Variants in NFU1 observed in about 807,000 individuals in gnomAD.
NFU1 encodes the protein NFU1 iron-sulfur cluster scaffold.
In NFU1, 30 loss-of-function variants were observed where a neutral mutation model predicts 32.2. The ratio of observed to expected loss-of-function variants is 0.93; its 90% CI spans 0.70 to 1.26. The LOEUF (loss-of-function observed/expected upper bound fraction) is 1.26. NFU1 is among the 50% of genes most tolerant of loss of function. The pLI, the probability that NFU1 is intolerant of heterozygous loss-of-function variation, is 0.00. For missense variants in NFU1, 306 were observed against 306.6 expected (o/e 1.00, Z 0.02); for synonymous variants, 112 against 104.6 (o/e 1.07, Z -0.43).
At chr2:69,420,846 T>C (rs1365711698) in intron 3 of NFU1, among the ~76,000 whole-genome samples, 1 of 152,134 alleles carries the variant, frequency 6.6e-6, no homozygotes, top group Non-Finnish European at 1.5e-5. Context: ...GAAAAAATAG[T>C]GAAAACTATC....
At chr2:69,425,635 G>A (rs572701923) in intron 2 of NFU1, among the ~76,000 whole-genome samples, 2 of 151,618 alleles carry the variant, frequency 1.3e-5, no homozygotes, top group South Asian at 2.1e-4. Context: ...GATTACAGGT[G>A]TAAGCCACTG....
intron 2 of NFU1, among the ~76,000 whole-genome samples, chr2:69,429,731 C>G (rs1345446303): frequency 6.6e-6 from 1 of 151,790 alleles, no homozygotes; most frequent in East Asian, 2.0e-4. Flanking sequence ...AAAGCTATTA[C>G]TAAAAAACTA....
At chr2:69,431,198 T>C (rs1266643606) in intron 2 of NFU1, among the ~76,000 whole-genome samples, 1 of 152,138 alleles carries the variant, frequency 6.6e-6, no homozygotes, top group Non-Finnish European at 1.5e-5. Context: ...AATCCTGTGT[T>C]CTAAGGTCTG....
chr2:69,398,384 C>G (rs943729092), intron 7 of NFU1, among the ~76,000 whole-genome samples: 16 of 152,060 alleles, frequency 1.1e-4, no homozygotes, highest in African/African-American at 3.6e-4. Flanking sequence ...TGTACTGGAC[C>G]AAAACGATGG....
intron 1 of NFU1, among the ~76,000 whole-genome samples, chr2:69,433,711 A>G (rs551839487): frequency 6.6e-6 from 1 of 152,086 alleles, no homozygotes; most frequent in South Asian, 2.1e-4. Context: ...CCTGACCTAA[A>G]GTGATCCACC....
At chr2:69,415,583 C>A (rs1372391254) in intron 4 of NFU1, among the ~76,000 whole-genome samples, 1 of 152,048 alleles carries the variant, frequency 6.6e-6, no homozygotes. Context: ...ATGAAATACT[C>A]TCCAGCACGT....
chr2:69,401,815 T>C (rs1672530272), intron 6 of NFU1, among the ~76,000 whole-genome samples: 1 of 152,228 alleles, frequency 6.6e-6, no homozygotes, highest in South Asian at 2.1e-4. Flanking sequence ...TGTACAAATA[T>C]TTAATTATGG....
chr2:69,417,725 A>G (rs1173096316), intron 4 of NFU1, among the ~76,000 whole-genome samples: 1 of 152,086 alleles, frequency 6.6e-6, no homozygotes, highest in African/African-American at 2.4e-5. Flanking sequence ...CTAACTTGGG[A>G]TATTATCTAT....
At chr2:69,404,938 A>G (rs1279058234) in intron 6 of NFU1, among the ~76,000 whole-genome samples, 1 of 151,632 alleles carries the variant, frequency 6.6e-6, no homozygotes, top group Non-Finnish European at 1.5e-5. Context: ...CAAGAATACA[A>G]TACATTGTTA....
At chr2:69,397,729 A>G (rs532658286) in intron 7 of NFU1, among the ~76,000 whole-genome samples, 25 of 151,906 alleles carry the variant, frequency 1.6e-4, no homozygotes, top group Non-Finnish European at 3.1e-4. Context: ...CCCGGTCAAC[A>G]TGGCGAAACC....
intron 3 of NFU1, among the ~76,000 whole-genome samples, chr2:69,421,005 A>C (rs978176001): frequency 8.5e-5 from 13 of 152,160 alleles, no homozygotes; most frequent in African/African-American, 3.1e-4. Flanking sequence ...GGAGTCTGAG[A>C]CCAGCCTGGG....
intron 2 of NFU1, among the ~76,000 whole-genome samples, chr2:69,427,067 AAAAAG>A (rs1211561221): frequency 0.046 from 4,518 of 99,114 alleles, 209 homozygotes; most frequent in East Asian, 0.19. Context: ...CTCAAAAAAA[AAAAAG>A]AAAGAAAGAA....
At chr2:69,412,621 G>A (rs1423917041) in intron 5 of NFU1, among the ~76,000 whole-genome samples, 2 of 152,002 alleles carry the variant, frequency 1.3e-5, no homozygotes, top group South Asian at 2.1e-4. Flanking sequence ...TCCTGACCTC[G>A]TGATCCACCC....
intron 7 of NFU1, among the ~76,000 whole-genome samples, chr2:69,396,917 A>G (rs1031584886): frequency 2.0e-5 from 3 of 151,168 alleles, no homozygotes; most frequent in Non-Finnish European, 4.4e-5. Context: ...CTAAAAATAC[A>G]AAAAATTAGC....
intron 1 of NFU1, 83 bp downstream of exon 1, chr2:69,437,278 G>C: frequency 6.5e-7 from 1 of 1,538,308 alleles, no homozygotes; most frequent in Non-Finnish European, 8.7e-7. Context: ...CACCCGCCTC[G>C]AGAGAGGGTC....
At chr2:69,437,313 G>T (rs1212640919) in intron 1 of NFU1, 48 bp downstream of exon 1, 8 of 1,579,396 alleles carry the variant, frequency 5.1e-6, no homozygotes, top group Non-Finnish European at 6.9e-6. Context: ...CGCTCCGCTG[G>T]CTAAGCCCAG....
intron 3 of NFU1, among the ~76,000 whole-genome samples, chr2:69,420,227 C>A (rs1413461801): frequency 6.6e-6 from 1 of 152,058 alleles, no homozygotes; most frequent in Non-Finnish European, 1.5e-5. Context: ...CTGGTCTCAA[C>A]TCCTGACCTC....
rs569848375 is a variant in NFU1 at position 69,396,607 on chromosome 2, C to T, written c.721-317G>A. Among the ~76,000 whole-genome samples the T allele has an allele frequency of 1.1e-4, 17 of 151,574 alleles. 1 individual carries two copies. The highest frequency in any genetic ancestry group is 2.7e-4 in the African/African-American group (11 of 41,326). ...AGCAGAGCTTGCAGTGAGCCGAGAT[C>T]GCGCCACTGCACTCCAGCGTGGGCA... On this transcript the variant is annotated intron_variant, in intron 7 of 7. Transcript: ENST00000410022.
upstream of NFU1, chr2:69,437,556 T>G: frequency 9.2e-7 from 1 of 1,086,968 alleles, no homozygotes; most frequent in South Asian, 1.3e-5. Flanking sequence ...TGCGGATAAG[T>G]GCGGTGGCCT....
Sources: gnomAD v4.1 joint callset for allele counts (sites outside exome capture counted in the v4.1 genomes callset) on GRCh38, gnomAD v4.1.1 for gene constraint, MANE v1.5 for transcripts, NCBI Gene and HGNC (gene_info 2026-07-23, HGNC 2026-07-21) for gene names.